Variants in RABGAP1 observed in about 807,000 individuals in gnomAD.
The protein encoded by RABGAP1 is rab GTPase-activating protein 1.
A neutral mutation model predicts 137.6 loss-of-function variants in RABGAP1; 23 were observed. The observed-to-expected ratio is 0.17, with a 90% CI of 0.12 to 0.24. The LOEUF is 0.24. RABGAP1 is among the 10% of genes least tolerant of loss of function. The pLI, the probability that RABGAP1 is intolerant of heterozygous loss-of-function variation, is 1.00. For missense variants in RABGAP1, 906 were observed against 1,275.8 expected (o/e 0.71, Z 4.42); for synonymous variants, 451 against 450.7 (o/e 1.00, Z -0.01).
chr9:122,955,101 G>C (rs931114297), intron 1 of RABGAP1, among the ~76,000 whole-genome samples: 3 of 152,196 alleles, frequency 2.0e-5, no homozygotes, highest in Non-Finnish European at 4.4e-5. Context: ...TGAGTGATGA[G>C]TTGGAGTTGA....
At chr9:123,082,669 G>A (rs889700463) in intron 19 of RABGAP1, among the ~76,000 whole-genome samples, 1 of 152,134 alleles carries the variant, frequency 6.6e-6, no homozygotes, top group Non-Finnish European at 1.5e-5. Context: ...CCTGCTTAAG[G>A]TGAAATGGAA....
intron 13 of RABGAP1, among the ~76,000 whole-genome samples, chr9:123,057,657 C>T (rs1166171262): frequency 2.0e-5 from 3 of 151,862 alleles, no homozygotes; most frequent in Non-Finnish European, 2.9e-5. Context: ...GGGTGGTGGC[C>T]GGGCAGAGGC....
intron 1 of RABGAP1, among the ~76,000 whole-genome samples, chr9:122,950,380 T>TC (rs556256752): frequency 1.7e-3 from 234 of 138,048 alleles, no homozygotes; most frequent in African/African-American, 5.0e-3. Flanking sequence ...TTTCTTTCTT[T>TC]TTTTTTTTTT....
At chr9:123,015,715 T>A in intron 12 of RABGAP1, 79 bp downstream of exon 12, 1 of 985,576 alleles carries the variant, frequency 1.0e-6, no homozygotes. Context: ...TATAATCAAT[T>A]TTGGAACCAG....
chr9:122,959,364 CAAAAAAAAAAA>C (rs33932737), intron 2 of RABGAP1, among the ~76,000 whole-genome samples: 1 of 107,746 alleles, frequency 9.3e-6, no homozygotes, highest in Non-Finnish European at 1.7e-5. Flanking sequence ...TGGGGCTTTA[CAAAAAAAAAAA>C]AAAAAAAAAG....
At chr9:123,027,436 T>C (rs2131962990) in intron 13 of RABGAP1, among the ~76,000 whole-genome samples, 1 of 152,346 alleles carries the variant, frequency 6.6e-6, no homozygotes, top group African/African-American at 2.4e-5. Context: ...CATTTCTAAT[T>C]GTTGAAAGGA....
intron 13 of RABGAP1, among the ~76,000 whole-genome samples, chr9:123,025,543 C>CTTTTTTTTTTTTT (rs577474947): frequency 0.011 from 845 of 74,872 alleles, 40 homozygotes; most frequent in Middle Eastern, 0.02. Context: ...TCTTTCTTTT[C>CTTTTTTTTTTTTT]TTTTTTTTTT....
chr9:122,982,274 A>G (rs2131734803), intron 2 of RABGAP1, among the ~76,000 whole-genome samples: 1 of 152,346 alleles, frequency 6.6e-6, no homozygotes, highest in Non-Finnish European at 1.5e-5. Flanking sequence ...CATTGAAGAC[A>G]GTTCTTATGT....
intron 13 of RABGAP1, among the ~76,000 whole-genome samples, chr9:123,027,015 A>T (rs1423014503): frequency 1.3e-5 from 2 of 152,120 alleles, no homozygotes; most frequent in East Asian, 3.9e-4. Context: ...TCTAGTTTCA[A>T]CTTCAGTGAT....
upstream of RABGAP1, chr9:122,939,429 C>T (rs994392253): frequency 5.3e-5 from 8 of 152,094 alleles, no homozygotes; most frequent in Non-Finnish European, 1.0e-4. Context: ...ACCTCAGCCT[C>T]CCAAAGTGTT....
At chr9:123,022,239 G>A (rs189847305) in intron 13 of RABGAP1, among the ~76,000 whole-genome samples, 32 of 152,224 alleles carry the variant, frequency 2.1e-4, no homozygotes, top group African/African-American at 7.5e-4. Flanking sequence ...GTAACTGAAT[G>A]GATTCTGTTT....
chr9:123,090,722 G>A (rs2035008979), intron 21 of RABGAP1, among the ~76,000 whole-genome samples: 1 of 152,144 alleles, frequency 6.6e-6, no homozygotes, highest in Non-Finnish European at 1.5e-5. Context: ...TCCCTCCTCA[G>A]ACAGGAAGAG....
upstream of RABGAP1, chr9:122,938,425 T>TAA (rs1833425083): frequency 6.6e-6 from 1 of 152,198 alleles, no homozygotes; most frequent in African/African-American, 2.4e-5. Context: ...ATTCCATTCA[T>TAA]ATACTGTAAC....
At chr9:122,934,946 C>T in the RABGAP1 span, among the ~76,000 whole-genome samples, 3 of 152,170 alleles carry the variant, frequency 2.0e-5, no homozygotes, top group African/African-American at 7.2e-5. Flanking sequence ...TTAACCTTGA[C>T]TCCTTTCTGT....
At chr9:122,969,655 A>T (rs1588187742) in intron 2 of RABGAP1, among the ~76,000 whole-genome samples, 1 of 152,324 alleles carries the variant, frequency 6.6e-6, no homozygotes, top group Middle Eastern at 3.4e-3. Flanking sequence ...CTTAAAAAAA[A>T]AAAGATTTGT....
At chr9:122,952,030 A>C (rs1231161026) in intron 1 of RABGAP1, among the ~76,000 whole-genome samples, 1 of 152,216 alleles carries the variant, frequency 6.6e-6, no homozygotes, top group East Asian at 1.9e-4. Flanking sequence ...ATCTGTAGTG[A>C]TCTTTAATGT....
At chr9:123,013,935 T>C (rs1442953157) in intron 11 of RABGAP1, among the ~76,000 whole-genome samples, 4 of 152,168 alleles carry the variant, frequency 2.6e-5, no homozygotes, top group African/African-American at 7.2e-5. Flanking sequence ...TTGGTAAAGA[T>C]CCATGGAAAC....
At chr9:123,101,524 GT>G in intron 24 of RABGAP1, 41 bp from the exon 25 acceptor site, 1 of 1,577,452 alleles carries the variant, frequency 6.3e-7, no homozygotes, top group Non-Finnish European at 8.7e-7. Flanking sequence ...TAAAGGGCCA[GT>G]TCCTCTTCTT....
chr9:123,013,691 C>A (rs1027008140), intron 11 of RABGAP1, among the ~76,000 whole-genome samples: 1 of 152,160 alleles, frequency 6.6e-6, no homozygotes, highest in Non-Finnish European at 1.5e-5. Context: ...CACATTCTAT[C>A]ATCTTCTGTG....
Sources: allele counts gnomAD v4.1 joint callset (sites outside exome capture counted in the v4.1 genomes callset), GRCh38; gene constraint gnomAD v4.1.1; transcripts MANE v1.5; gene names NCBI Gene and HGNC (gene_info 2026-07-23, HGNC 2026-07-21).